Variants in ATP10A observed in about 807,000 individuals in gnomAD.
ATP10A encodes the protein phospholipid-transporting ATPase VA.
Under a neutral mutation model 147.8 loss-of-function variants are expected in ATP10A, and 111 were observed. That is an observed-to-expected ratio of 0.75 (90% CI 0.64 to 0.88). The LOEUF (loss-of-function observed/expected upper bound fraction) is 0.88, where lower values mean the gene tolerates loss of function less well. Among genes scored for constraint, ATP10A ranks in the 40% least tolerant of loss-of-function variants. The pLI, the probability that ATP10A is intolerant of heterozygous loss-of-function variation, is 0.00. For synonymous variants in ATP10A, 875 were observed against 841.6 expected (o/e 1.04, Z -0.69); for missense variants, 1,927 against 1,959.0 (o/e 0.98, Z 0.31).
chr15:25,692,273 T>A (rs981499722), intron 14 of ATP10A, among the ~76,000 whole-genome samples: 1 of 152,186 alleles, frequency 6.6e-6, no homozygotes, highest in Non-Finnish European at 1.5e-5. Flanking sequence ...GTATTAGCCA[T>A]TGTGCTCACT....
chr15:25,817,397 T>C (rs1891708637), intron 1 of ATP10A, among the ~76,000 whole-genome samples: 1 of 152,202 alleles, frequency 6.6e-6, no homozygotes, highest in African/African-American at 2.4e-5. Flanking sequence ...TCTCTAACAA[T>C]GTGGTTTGTA....
At chr15:25,779,610 C>T (rs1200329962) in intron 2 of ATP10A, among the ~76,000 whole-genome samples, 5 of 152,090 alleles carry the variant, frequency 3.3e-5, no homozygotes, top group South Asian at 4.1e-4. Context: ...GGGGTGGCAT[C>T]GGATGGGGCC....
chr15:25,778,241 T>A (rs1429032488), intron 2 of ATP10A, among the ~76,000 whole-genome samples: 1 of 152,186 alleles, frequency 6.6e-6, no homozygotes, highest in Admixed American at 6.5e-5. Flanking sequence ...ATATTGTATT[T>A]CACATAAGTC....
At chr15:25,693,046 G>T (rs1422733466) in intron 14 of ATP10A, among the ~76,000 whole-genome samples, 4 of 151,336 alleles carry the variant, frequency 2.6e-5, no homozygotes, top group Admixed American at 1.3e-4. Context: ...TTGAGACAGG[G>T]TCTCTCACTC....
chr15:25,752,660 C>G (rs541879377), intron 2 of ATP10A, among the ~76,000 whole-genome samples: 1 of 152,248 alleles, frequency 6.6e-6, no homozygotes, highest in East Asian at 1.9e-4. Flanking sequence ...CCTTGTAACT[C>G]TACATAAATT....
chr15:25,834,231 C>T (rs1425379738), intron 1 of ATP10A, among the ~76,000 whole-genome samples: 1 of 152,118 alleles, frequency 6.6e-6, no homozygotes. Flanking sequence ...AAAGAGACAA[C>T]CTGCAGAATG....
At chr15:25,760,290 C>T (rs1295440388) in intron 2 of ATP10A, among the ~76,000 whole-genome samples, 1 of 152,110 alleles carries the variant, frequency 6.6e-6, no homozygotes, top group Non-Finnish European at 1.5e-5. Flanking sequence ...TGATGTTTAG[C>T]CTTCGAGTGA....
chr15:25,859,086 A>G (rs1893642901), intron 1 of ATP10A, among the ~76,000 whole-genome samples: 1 of 152,138 alleles, frequency 6.6e-6, no homozygotes, highest in Admixed American at 6.5e-5. Flanking sequence ...TGCAAGGCAC[A>G]AAGTCTTCTT....
chr15:25,829,361 T>C (rs1567414923), intron 1 of ATP10A, among the ~76,000 whole-genome samples: 1 of 152,192 alleles, frequency 6.6e-6, no homozygotes. Context: ...GCAAGATCAG[T>C]TCCATTTTAA....
chr15:25,688,210 T>C (rs922848604), intron 15 of ATP10A, among the ~76,000 whole-genome samples: 28 of 152,314 alleles, frequency 1.8e-4, no homozygotes, highest in Non-Finnish European at 4.0e-4. Flanking sequence ...AATCGGTCCA[T>C]GGTCACAACC....
At chr15:25,822,055 C>T (rs935047534) in intron 1 of ATP10A, among the ~76,000 whole-genome samples, 1 of 152,154 alleles carries the variant, frequency 6.6e-6, no homozygotes, top group Non-Finnish European at 1.5e-5. Context: ...CTATACACAT[C>T]CTCCCACAGA....
At position 25,690,833 on chromosome 15, in the gene ATP10A, G is replaced by A. The variant is rs143331534; in HGVS notation, c.3165+882C>T. On this transcript the variant is annotated intron_variant, in intron 15 of 20. Coordinates refer to ENST00000555815, the MANE Select transcript of ATP10A (RefSeq NM_024490.4). ...TTTTCTGGAGGAAGAAAAAATGTGC[G>A]AGTAACGTAACACGGAGATTCCAGT... is the stretch of plus-strand genomic sequence containing the variant. 1.2e-3 allele frequency among the ~76,000 whole-genome samples: 187 copies of A among 152,306 alleles called. 2 individuals are homozygous for A. Among genetic ancestry groups the A allele is most frequent in the Middle Eastern group, 3.4e-3 (1 of 294 alleles).
In ATP10A at chr15:25,687,800, G is replaced by A. The variant is rs1201812030; in HGVS notation, c.3194C>T (p.Pro1065Leu). 1.9e-6 allele frequency: 3 copies of A among 1,613,852 alleles called. No homozygotes were observed. The highest frequency in any genetic ancestry group is 4.5e-5 in the East Asian group (2 of 44,814). The change falls in exon 16 of 21, where the codon CCG becomes CTG. Residue 1065 changes from proline to leucine, a missense_variant. By Grantham distance (98) the Pro-to-Leu change is moderately conservative. Transcript: ENST00000555815. ...QAVMASDFAV[P>L]KFRYLERLLI... is the part of the protein sequence containing the mutation. Reference sequence around the variant, plus strand: ...GAGCCTCTCCAGGTATCGGAATTTCGGCACTGCAAAGTCGCTGGCCATCAC... The same window carrying A: ...GAGCCTCTCCAGGTATCGGAATTTCAGCACTGCAAAGTCGCTGGCCATCAC...
Position 25,786,581 on chromosome 15 carries a change from G to A in ATP10A, c.450-5358C>T, listed in dbSNP as rs115090397. ...GGCCACACCAGCAGGAGCTCTAGAC[G>A]CTAAATTCCTCTCAGCATTGAGACA... On this transcript the variant is annotated intron_variant, in intron 1 of 20. Coordinates refer to ENST00000555815, the MANE Select transcript of ATP10A (RefSeq NM_024490.4). Among the ~76,000 whole-genome samples, 546 of 146,672 alleles carry A rather than the reference G, an allele frequency of 3.7e-3. 4 individuals carry two copies. Among genetic ancestry groups the A allele is most frequent in the African/African-American group, 0.013 (524 of 39,588 alleles).
chr15:25,780,239 A>G (rs1478107886), intron 2 of ATP10A, among the ~76,000 whole-genome samples: 2 of 152,250 alleles, frequency 1.3e-5, no homozygotes, highest in African/African-American at 4.8e-5. Context: ...CTCCCTGTGA[A>G]CCAGAGGCCG....
chr15:25,830,217 C>T lies in ATP10A; in HGVS notation c.449+32431G>A, dbSNP rs150231351. Among the ~76,000 whole-genome samples the T allele has an allele frequency of 6.1e-3, 935 of 152,200 alleles. 3 individuals carry two copies. Among genetic ancestry groups the T allele is most frequent in the African/African-American group, 0.02 (833 of 41,524 alleles). On this transcript the variant is annotated intron_variant, in intron 1 of 20. Transcript: ENST00000555815. Reference sequence around the variant, plus strand: ...CAGGAGAGGGGGTGCAGCCATGCAGCGCTGGCCTTCCTGGGTCATCCCCAC... The same window carrying T: ...CAGGAGAGGGGGTGCAGCCATGCAGTGCTGGCCTTCCTGGGTCATCCCCAC...
chr15:25,855,061 C>CA (rs58243465), intron 1 of ATP10A, among the ~76,000 whole-genome samples: 3,236 of 65,844 alleles, frequency 0.049, 60 homozygotes, highest in Middle Eastern at 0.11. Context: ...CTCCGTCTCA[C>CA]AAAAAAAAAA....
intron 14 of ATP10A, among the ~76,000 whole-genome samples, chr15:25,692,565 C>G (rs1900094447): frequency 1.3e-5 from 2 of 152,136 alleles, no homozygotes; most frequent in African/African-American, 4.8e-5. Flanking sequence ...GATGTCTCTT[C>G]CCTGTGATTT....
intron 3 of ATP10A, among the ~76,000 whole-genome samples, chr15:25,732,330 C>G (rs1042116133): frequency 1.3e-5 from 2 of 151,814 alleles, no homozygotes; most frequent in East Asian, 3.9e-4. Context: ...CTGCCTCCCC[C>G]GCTCAAGTGA....
Sources: gnomAD v4.1 joint callset for allele counts (sites outside exome capture counted in the v4.1 genomes callset) on GRCh38, gnomAD v4.1.1 for gene constraint, MANE v1.5 for transcripts, NCBI Gene and HGNC (gene_info 2026-07-23, HGNC 2026-07-21) for gene names.